Variants in FKBP5 observed in about 807,000 individuals in gnomAD.
FKBP5 encodes the protein FKBP prolyl isomerase 5, also known as peptidyl-prolyl cis-trans isomerase FKBP5.
Under a neutral mutation model 50.5 loss-of-function variants are expected in FKBP5, and 23 were observed. The observed-to-expected ratio is 0.46, with a 90% CI of 0.33 to 0.65. The LOEUF (loss-of-function observed/expected upper bound fraction) is 0.65. FKBP5 is among the 30% of genes least tolerant of loss of function. The probability of loss-of-function intolerance (pLI) is 0.02; values close to 1 mark genes in which losing one functional copy is unlikely to be tolerated. For missense variants in FKBP5, 411 were observed against 553.1 expected, an observed-to-expected ratio of 0.74 and a Z score of 2.58; for synonymous variants, 176 against 190.6, an observed-to-expected ratio of 0.92 and a Z score of 0.63.
At position 35,642,760 on chromosome 6, in the gene FKBP5, C is replaced by T; in HGVS notation, c.65G>A (p.Gly22Glu). 6.2e-7 allele frequency: 1 copy of T among 1,614,052 alleles called. No homozygotes were observed. Among genetic ancestry groups the T allele is most frequent in the East Asian group, 2.2e-5 (1 of 44,868 alleles). The change falls in exon 2 of 11, where the codon GGA (glycine) becomes GAA (glutamate). Residue 22 changes from glycine (G) to glutamate (E), a missense_variant. Physicochemically the swap from Gly to Glu is moderately conservative, Grantham distance 98. Coordinates refer to ENST00000357266, the MANE Select transcript of FKBP5 (RefSeq NM_004117.4). ...GTCTTTTTTGGAGGTAATATCCTCT[C>T]CCTGCTCAGCAACAGTGGCTGTGGG... The part of the protein sequence containing the change: ...ESPTATVAEQ[G>E]EDITSKKDRG...
chr6:35,579,870 G>C (rs1335035746), intron 9 of FKBP5, among the ~76,000 whole-genome samples, 166 bp downstream of exon 9: 2 of 152,118 alleles, frequency 1.3e-5, no homozygotes, highest in Non-Finnish European at 2.9e-5. Flanking sequence ...AAATCTTGCT[G>C]AATTTCCCAA....
chr6:35,583,388 A>C (rs1421967322), intron 8 of FKBP5: 1 of 985,318 alleles, frequency 1.0e-6, no homozygotes, highest in African/African-American at 1.7e-5. Flanking sequence ...CCATGGTAAA[A>C]CAAAACAAAA....
chr6:35,707,802 C>A (rs55694295), intron 2 of FKBP5, among the ~76,000 whole-genome samples: 1 of 151,966 alleles, frequency 6.6e-6, no homozygotes, highest in African/African-American at 2.4e-5. Context: ...TGAGAACATG[C>A]GGTATTTGGT....
At chr6:35,616,024 T>A (rs568450836) in intron 5 of FKBP5, among the ~76,000 whole-genome samples, 1 of 152,078 alleles carries the variant, frequency 6.6e-6, no homozygotes, top group African/African-American at 2.4e-5. Flanking sequence ...TTCAAAATAG[T>A]AGAGTAGGCT....
chr6:35,666,861 C>T (rs1338213252), intron 1 of FKBP5, among the ~76,000 whole-genome samples: 2 of 151,460 alleles, frequency 1.3e-5, no homozygotes, highest in East Asian at 1.9e-4. Context: ...CCAGCCTGGG[C>T]GACAGAGCGA....
intron 2 of FKBP5, among the ~76,000 whole-genome samples, chr6:35,719,374 A>G (rs1356068261): frequency 2.0e-5 from 3 of 152,130 alleles, no homozygotes; most frequent in East Asian, 1.9e-4. Flanking sequence ...AATGTCTGAA[A>G]TCTTGATCTA....
At position 35,629,269 on chromosome 6, in the gene FKBP5, C is replaced by A. The variant is rs562059970; in HGVS notation, c.250+7745G>T. On this transcript the variant is annotated intron_variant, in intron 3 of 10. Transcript: ENST00000357266. ...TATAGGCGTGCACCACCACGCCTGG[C>A]TAATTTTTGTATTTTTTGTAGAGAT... is the stretch of plus-strand genomic sequence containing the variant. Among the ~76,000 whole-genome samples the A allele has an allele frequency of 1.1e-4, 16 of 152,148 alleles. 1 individual carries two copies. Among genetic ancestry groups the A allele is most frequent in the Middle Eastern group, 3.4e-3 (1 of 294 alleles).
At chr6:35,606,809 C>T (rs777523538) in intron 5 of FKBP5, among the ~76,000 whole-genome samples, 5 of 151,532 alleles carry the variant, frequency 3.3e-5, no homozygotes, top group Admixed American at 6.6e-5. Context: ...GGAAATTTCT[C>T]GAAGAACTAA....
intron 2 of FKBP5, among the ~76,000 whole-genome samples, chr6:35,716,094 G>C (rs918540355): frequency 6.6e-6 from 1 of 152,170 alleles, no homozygotes; most frequent in Non-Finnish European, 1.5e-5. Flanking sequence ...GGAGACAGGT[G>C]GGGGCAATGG....
Position 35,575,660 on chromosome 6 carries a change from C to G in FKBP5, c.*175G>C. ...GGTCCCGTGCCACCCCTCAGTGAAC[C>G]CTCCGGGCAGCAGCAGGGGGGCTGT... is the stretch of plus-strand genomic sequence containing the variant. On this transcript the variant is annotated 3_prime_UTR_variant, in exon 11 of 11. Coordinates refer to ENST00000357266, the MANE Select transcript of FKBP5 (RefSeq NM_004117.4). 1.7e-6 allele frequency: 1 copy of G among 603,856 alleles called. No homozygotes were observed. The highest frequency in any genetic ancestry group is 1.9e-5 in the South Asian group (1 of 51,960). The allele number at this position is 603,856 out of a possible 1,614,324, so 37.4% of individuals were successfully genotyped here.
At chr6:35,630,033 G>A (rs1469206706) in intron 3 of FKBP5, among the ~76,000 whole-genome samples, 2 of 152,168 alleles carry the variant, frequency 1.3e-5, no homozygotes, top group Non-Finnish European at 2.9e-5. Context: ...CACTCTGGGA[G>A]GCTGAGGCAG....
intron 3 of FKBP5, among the ~76,000 whole-genome samples, chr6:35,622,380 A>C (rs75118012): frequency 0.028 from 4,320 of 152,182 alleles, 67 homozygotes; most frequent in Middle Eastern, 0.051. Context: ...GCATGGTGGC[A>C]TATGCTTGTA....
intron 1 of FKBP5, among the ~76,000 whole-genome samples, chr6:35,674,669 T>A (rs77476631): frequency 6.6e-6 from 1 of 152,236 alleles, no homozygotes. Context: ...TATTAACTCA[T>A]TTAATTCTCT....
At chr6:35,636,992 A>G in intron 3 of FKBP5, 22 bp downstream of exon 3, 1 of 1,572,798 alleles carries the variant, frequency 6.4e-7, no homozygotes. Context: ...GTAAAACACA[A>G]CTCAAAAAAA....
intron 1 of FKBP5, chr6:35,720,579 G>A (rs977901439): frequency 1.2e-4 from 19 of 152,334 alleles, no homozygotes; most frequent in African/African-American, 1.9e-4. Context: ...ATGTGTCAAT[G>A]CAGGATCCTA....
chr6:35,576,055 C>G, intron 10 of FKBP5, 113 bp from the exon 11 acceptor site: 1 of 772,764 alleles, frequency 1.3e-6, no homozygotes, highest in Non-Finnish European at 2.3e-6. Context: ...ATGATTTTCT[C>G]TAGGATATCT....
intron 8 of FKBP5, chr6:35,581,259 A>T (rs7452832): frequency 9.5e-6 from 5 of 527,886 alleles, no homozygotes; most frequent in Non-Finnish European, 9.6e-6. Flanking sequence ...AATATATATA[A>T]ATATAAACAT....
At chr6:35,642,223 C>T (rs1042737636) in intron 2 of FKBP5, among the ~76,000 whole-genome samples, 4 of 151,982 alleles carry the variant, frequency 2.6e-5, no homozygotes, top group East Asian at 1.9e-4. Context: ...GGTAAATCTG[C>T]ATTACTAAGA....
chr6:35,609,264 T>C (rs935017146), intron 5 of FKBP5, among the ~76,000 whole-genome samples: 7 of 152,216 alleles, frequency 4.6e-5, no homozygotes, highest in African/African-American at 1.4e-4. Flanking sequence ...CAGTATTTTT[T>C]TCGAAAAGAA....
Sources: gnomAD v4.1 joint callset for allele counts (sites outside exome capture counted in the v4.1 genomes callset) on GRCh38, gnomAD v4.1.1 for gene constraint, MANE v1.5 for transcripts, NCBI Gene and HGNC (gene_info 2026-07-23, HGNC 2026-07-21) for gene names.